Variants in GRID1 observed in about 807,000 individuals in gnomAD.
The protein encoded by GRID1 is glutamate receptor ionotropic, delta-1.
A neutral mutation model predicts 98.0 loss-of-function variants in GRID1; 28 were observed. The observed-to-expected ratio is 0.29, with a 90% CI of 0.21 to 0.39. GRID1 has a LOEUF of 0.39. Among genes scored for constraint, GRID1 ranks in the 10% least tolerant of loss-of-function variants. The pLI, the probability that GRID1 is intolerant of heterozygous loss-of-function variation, is 1.00. For missense variants in GRID1, 1,111 were observed against 1,340.5 expected, an observed-to-expected ratio of 0.83 and a Z score of 2.67; for synonymous variants, 553 against 538.5, an observed-to-expected ratio of 1.03 and a Z score of -0.37.
At chr10:86,293,874 T>C (rs570725722) in intron 2 of GRID1, among the ~76,000 whole-genome samples, 42 of 152,390 alleles carry the variant, frequency 2.8e-4, no homozygotes, top group African/African-American at 8.7e-4. Flanking sequence ...GATGTCTGTA[T>C]TCTTGGAGCT....
chr10:85,685,766 A>G (rs1368923923), intron 12 of GRID1, among the ~76,000 whole-genome samples: 1 of 152,198 alleles, frequency 6.6e-6, no homozygotes, highest in Non-Finnish European at 1.5e-5. Flanking sequence ...GACAAAGATG[A>G]CACTGTGCTG....
At chr10:85,869,867 C>T (rs529398311) in intron 5 of GRID1, among the ~76,000 whole-genome samples, 18 of 152,172 alleles carry the variant, frequency 1.2e-4, no homozygotes, top group Non-Finnish European at 2.5e-4. Flanking sequence ...CCTTTGCTCA[C>T]ATTAGCTTAT....
intron 4 of GRID1, among the ~76,000 whole-genome samples, chr10:86,024,749 T>G (rs1441005703): frequency 6.6e-6 from 1 of 152,178 alleles, no homozygotes; most frequent in East Asian, 1.9e-4. Flanking sequence ...CTCTCCTCCC[T>G]GCCCCTAGTG....
At chr10:86,182,251 G>A (rs781658206) in intron 3 of GRID1, among the ~76,000 whole-genome samples, 7 of 152,154 alleles carry the variant, frequency 4.6e-5, no homozygotes, top group Non-Finnish European at 7.3e-5. Flanking sequence ...AGCAGCCAGA[G>A]AGCTGGCATG....
intron 3 of GRID1, among the ~76,000 whole-genome samples, chr10:86,151,170 C>T (rs1252104051): frequency 5.9e-5 from 9 of 152,132 alleles, no homozygotes; most frequent in South Asian, 2.1e-4. Flanking sequence ...GTCTTATTCA[C>T]CAACAAGCTG....
intron 8 of GRID1, among the ~76,000 whole-genome samples, chr10:85,773,260 A>T (rs973835554): frequency 6.6e-6 from 1 of 152,202 alleles, no homozygotes; most frequent in Non-Finnish European, 1.5e-5. Context: ...AAGGCCTTTG[A>T]CAAAATTCAA....
intron 4 of GRID1, among the ~76,000 whole-genome samples, chr10:86,104,104 C>T (rs1020938321): frequency 5.9e-5 from 9 of 152,292 alleles, no homozygotes; most frequent in South Asian, 2.1e-4. Context: ...CCTTATCCCA[C>T]GGGGTAGGCA....
chr10:86,135,959 C>T (rs1350881233), intron 4 of GRID1, among the ~76,000 whole-genome samples: 2 of 152,206 alleles, frequency 1.3e-5, no homozygotes, highest in African/African-American at 2.4e-5. Context: ...TGTACCATCC[C>T]GGATGCTGCA....
chr10:86,138,658 G>C (rs1172708593), intron 4 of GRID1, among the ~76,000 whole-genome samples, 161 bp downstream of exon 4: 1 of 152,220 alleles, frequency 6.6e-6, no homozygotes, highest in Non-Finnish European at 1.5e-5. Context: ...AGTGCTCAGA[G>C]AATCCCCCCT....
chr10:85,804,550 T>C (rs1842605013), intron 8 of GRID1, among the ~76,000 whole-genome samples: 6 of 151,720 alleles, frequency 4.0e-5, no homozygotes, highest in Admixed American at 3.9e-4. Flanking sequence ...TCAAAGACAT[T>C]ACAAGAAAAA....
At chr10:85,619,796 A>C (rs1226018931) in intron 14 of GRID1, 71 bp downstream of exon 14, 1 of 1,196,826 alleles carries the variant, frequency 8.4e-7, no homozygotes, top group Non-Finnish European at 1.2e-6. Context: ...TTATCTTCTA[A>C]GAGGTTATTC....
chr10:86,348,619 T>G (rs2132114999), intron 2 of GRID1, among the ~76,000 whole-genome samples: 1 of 152,318 alleles, frequency 6.6e-6, no homozygotes, highest in African/African-American at 2.4e-5. Flanking sequence ...ATCTGCTATG[T>G]GCCAGTGCCT....
At chr10:86,275,661 G>A (rs1270394119) in intron 2 of GRID1, among the ~76,000 whole-genome samples, 4 of 152,122 alleles carry the variant, frequency 2.6e-5, no homozygotes, top group Non-Finnish European at 5.9e-5. Context: ...GGGGGTTAAA[G>A]AGCAGATTTG....
At chr10:86,011,665 A>T (rs1325190369) in intron 4 of GRID1, among the ~76,000 whole-genome samples, 2 of 152,210 alleles carry the variant, frequency 1.3e-5, no homozygotes, top group Non-Finnish European at 2.9e-5. Flanking sequence ...ATCAGACTAA[A>T]TTCACTGATA....
intron 4 of GRID1, among the ~76,000 whole-genome samples, chr10:85,931,001 G>A (rs77394157): frequency 0.031 from 4,642 of 152,070 alleles, 97 homozygotes; most frequent in Middle Eastern, 0.054. Context: ...CACTATGCTG[G>A]CCTAATTTTT....
intron 4 of GRID1, among the ~76,000 whole-genome samples, chr10:86,117,394 C>T (rs1844600038): frequency 6.6e-6 from 1 of 151,888 alleles, no homozygotes. Flanking sequence ...TCAACACCAA[C>T]ATCACCACCA....
chr10:85,649,838 C>T (rs911161774), intron 12 of GRID1, among the ~76,000 whole-genome samples: 1 of 152,154 alleles, frequency 6.6e-6, no homozygotes, highest in Non-Finnish European at 1.5e-5. Context: ...GTTCCCACCC[C>T]AAAATGCCAC....
intron 3 of GRID1, among the ~76,000 whole-genome samples, chr10:86,173,236 G>A (rs1845520861): frequency 1.3e-5 from 2 of 152,072 alleles, no homozygotes; most frequent in South Asian, 2.1e-4. Flanking sequence ...ACAGGGTCTT[G>A]CTATGTTGCC....
intron 4 of GRID1, among the ~76,000 whole-genome samples, chr10:85,929,265 T>C (rs913626232): frequency 2.6e-5 from 4 of 152,166 alleles, no homozygotes; most frequent in African/African-American, 9.7e-5. Context: ...CAGATCCCCT[T>C]GAATCTTGAG....
Sources: gnomAD v4.1 joint callset for allele counts (sites outside exome capture counted in the v4.1 genomes callset) on GRCh38, gnomAD v4.1.1 for gene constraint, MANE v1.5 for transcripts, NCBI Gene and HGNC (gene_info 2026-07-23, HGNC 2026-07-21) for gene names.